Variants in ADSS1 observed in about 807,000 individuals in gnomAD.
ADSS1 encodes the protein adenylosuccinate synthetase isozyme 1.
A neutral mutation model predicts 59.1 loss-of-function variants in ADSS1; 57 were observed. The ratio of observed to expected loss-of-function variants is 0.97; its 90% CI spans 0.78 to 1.20. The LOEUF is 1.20. Ranked by LOEUF, ADSS1 falls within the 50% of genes most tolerant of loss-of-function variation. ADSS1 has a pLI of 0.00. For missense variants in ADSS1, 603 were observed against 610.3 expected, an observed-to-expected ratio of 0.99 and a Z score of 0.13; for synonymous variants, 247 against 249.4, an observed-to-expected ratio of 0.99 and a Z score of 0.09.
At chr14:104,730,239 A>T in intron 1 of ADSS1, 1 of 1,459,604 alleles carries the variant, frequency 6.9e-7, no homozygotes, top group Non-Finnish European at 9.1e-7. Flanking sequence ...TACATCTGTA[A>T]CTCCAGCACT....
rs1891201312 is a variant in ADSS1 at position 104,738,301 on chromosome 14, T to C, written c.296-75T>C. On this transcript the variant is annotated intron_variant, in intron 2 of 12. Transcript: ENST00000330877. ...GCATGAGCCACCGCACCCACCCATT[T>C]CATGCTGTTCTTAATGTATGTTTTC... The C allele has an allele frequency of 6.5e-6, 10 of 1,530,284 alleles. No homozygotes were observed. The South Asian group carries it at 1.1e-4, about 17-fold the overall frequency. 94.8% of individuals were successfully genotyped at this position (1,530,284 alleles called of 1,614,324 possible). A position where few individuals can be genotyped will look rare whatever the true frequency, so the allele number is the denominator to read the frequency against.
At chr14:104,728,293 C>T (rs924224792) in intron 1 of ADSS1, among the ~76,000 whole-genome samples, 4 of 152,112 alleles carry the variant, frequency 2.6e-5, no homozygotes, top group African/African-American at 9.7e-5. Flanking sequence ...TCCCCCTACC[C>T]CACCTCTGCA....
At chr14:104,746,901 G>A (rs776580776) in intron 12 of ADSS1, 50 bp from the exon 13 acceptor site, 19 of 1,598,486 alleles carry the variant, frequency 1.2e-5, no homozygotes, top group Non-Finnish European at 1.5e-5. Flanking sequence ...AACTTTTTCT[G>A]AACTTTCTGC....
chr14:104,741,033 T>C (rs1891328244), intron 7 of ADSS1, 84 bp from the exon 8 acceptor site: 3 of 1,594,770 alleles, frequency 1.9e-6, no homozygotes, highest in African/African-American at 1.3e-5. Flanking sequence ...TAGGCATTGT[T>C]ATGGGCTGGC....
At chr14:104,735,345 G>A (rs1263400450) in intron 2 of ADSS1, among the ~76,000 whole-genome samples, 2 of 152,206 alleles carry the variant, frequency 1.3e-5, no homozygotes, top group Non-Finnish European at 2.9e-5. Flanking sequence ...GCTGATGGGA[G>A]GAGGGGCAGA....
At chr14:104,734,219 A>C (rs1299391541) in intron 1 of ADSS1, among the ~76,000 whole-genome samples, 1 of 152,146 alleles carries the variant, frequency 6.6e-6, no homozygotes, top group African/African-American at 2.4e-5. Context: ...CCACCAGCCC[A>C]CCTGCCCTGC....
chr14:104,738,223 C>T (rs1234116606), intron 2 of ADSS1, 153 bp from the exon 3 acceptor site: 12 of 642,442 alleles, frequency 1.9e-5, no homozygotes, highest in African/African-American at 1.8e-4. Context: ...GTTTCGAACT[C>T]CTGACCTCAA....
rs750224112 is a variant in ADSS1 at position 104,741,861 on chromosome 14, T to C, written c.807T>C (p.Phe269=). 2 of 1,613,180 alleles carry C rather than the reference T, an allele frequency of 1.2e-6. No individual in the cohort carries two copies. The highest frequency in any genetic ancestry group is 1.7e-6 in the Non-Finnish European group (2 of 1,179,958). The change falls in exon 9 of 13, where the codon TTT becomes TTC. Residue 269 remains phenylalanine, a synonymous_variant. Coordinates refer to ENST00000330877, the MANE Select transcript of ADSS1 (RefSeq NM_152328.5). The part of the protein sequence containing the change: ...LLDIDFGTYP[F]VTSSNCTVGG... ...TCTGTCTTGCAGGGACCTACCCCTTTGTGACTTCATCCAACTGCACCGTGG... is the reference window on the plus strand; with the variant it reads ...TCTGTCTTGCAGGGACCTACCCCTTCGTGACTTCATCCAACTGCACCGTGG...
chr14:104,733,215 G>A (rs1051529538), intron 1 of ADSS1, among the ~76,000 whole-genome samples: 8 of 152,064 alleles, frequency 5.3e-5, no homozygotes, highest in African/African-American at 1.2e-4. Context: ...AGTTCACCCA[G>A]CACCGCCCCG....
intron 2 of ADSS1, among the ~76,000 whole-genome samples, chr14:104,735,953 T>A (rs1012762096): frequency 1.3e-5 from 2 of 152,142 alleles, no homozygotes; most frequent in African/African-American, 4.8e-5. Context: ...AGGCCATCCT[T>A]GTGATGTATC....
intron 1 of ADSS1, among the ~76,000 whole-genome samples, chr14:104,732,605 G>A (rs935271415): frequency 6.6e-6 from 1 of 152,234 alleles, no homozygotes; most frequent in Admixed American, 6.5e-5. Context: ...CCCCAACAGA[G>A]CCAGGGTGTG....
Position 104,740,284 on chromosome 14 carries a change from ACGCCCACGCATGCTCG to A in ADSS1, c.477-315_477-300del, listed in dbSNP as rs1891294381. 6.6e-6 allele frequency among the ~76,000 whole-genome samples: 1 copy of A among 151,822 alleles called. No homozygotes were observed. The highest frequency in any genetic ancestry group is 2.4e-5 in the African/African-American group (1 of 41,292). ...ACTCATGCTCTTACATACACACCACACGCCCACGCATGCTCGCACAGTTATGCACATGTGCACACGC... is the reference window on the plus strand; with the variant it reads ...ACTCATGCTCTTACATACACACCACACACAGTTATGCACATGTGCACACGC... On this transcript the variant is annotated intron_variant, in intron 5 of 12. Transcript: ENST00000330877. The surrounding 1 kb of genome is among the most constrained non-coding windows in gnomAD (Gnocchi z 4.8).
Position 104,740,854 on chromosome 14 carries a change from C to T in ADSS1, c.600C>T (p.Ala200=), listed in dbSNP as rs765714431. The T allele has an allele frequency of 1.2e-6, 2 of 1,613,864 alleles. No homozygotes were observed. Among genetic ancestry groups the T allele is most frequent in the South Asian group, 2.2e-5 (2 of 91,066 alleles). The change falls in exon 7 of 13, where the codon GCC becomes GCT. Residue 200 remains alanine (A), a synonymous_variant. Coordinates refer to ENST00000330877, the MANE Select transcript of ADSS1 (RefSeq NM_152328.5). The surrounding 1 kb of genome is among the most constrained non-coding windows in gnomAD (Gnocchi z 4.8). ...DEFSSRFKNL[A]HQHQSMFPTL... is the part of the protein sequence containing the mutation. ...CCTTGTGCAGATTCAAGAACCTGGCCCACCAGCACCAGTCGATGTTCCCCA... is the reference window on the plus strand; with the variant it reads ...CCTTGTGCAGATTCAAGAACCTGGCTCACCAGCACCAGTCGATGTTCCCCA...
intron 2 of ADSS1, chr14:104,737,340 C>T (rs1303401327): frequency 6.6e-6 from 1 of 152,196 alleles, no homozygotes; most frequent in Non-Finnish European, 1.5e-5. Context: ...TACAGTATGT[C>T]GCCTTTTCGG....
intron 1 of ADSS1, among the ~76,000 whole-genome samples, chr14:104,724,735 T>C (rs1411493767): frequency 2.6e-5 from 4 of 151,732 alleles, no homozygotes; most frequent in African/African-American, 9.7e-5. Context: ...AGTCGCTGAG[T>C]TGGGGACACC....
intron 1 of ADSS1, among the ~76,000 whole-genome samples, chr14:104,732,779 C>T (rs1566796032): frequency 6.6e-6 from 1 of 152,188 alleles, no homozygotes; most frequent in South Asian, 2.1e-4. Context: ...CCCTACCTGT[C>T]CTCAGAGACC....
rs139486632 is a variant in ADSS1 at position 104,743,046 on chromosome 14, G to A, written c.949-21G>A. ...AGGCTCCCACGACAGCTCACATGACGTCCTCCCTGTTCTCATGTAGGAGAT... is the reference window on the plus strand; with the variant it reads ...AGGCTCCCACGACAGCTCACATGACATCCTCCCTGTTCTCATGTAGGAGAT... On this transcript the variant is annotated intron_variant, in intron 9 of 12. Coordinates refer to ENST00000330877, the MANE Select transcript of ADSS1 (RefSeq NM_152328.5). The A allele has an allele frequency of 4.7e-4, 757 of 1,612,206 alleles. 7 individuals are homozygous for A. The African/African-American group carries it at 6.3e-3, about 14-fold the overall frequency.
chr14:104,739,450 A>C, intron 4 of ADSS1, 72 bp downstream of exon 4: 41 of 1,482,978 alleles, frequency 2.8e-5, no homozygotes, highest in Non-Finnish European at 3.6e-5. Context: ...CTGCTCCTAC[A>C]TGGCCACCGA....
chr14:104,744,514 C>T (rs968584018), intron 10 of ADSS1: 2 of 295,002 alleles, frequency 6.8e-6, no homozygotes, highest in Non-Finnish European at 1.3e-5. Context: ...TTCAGGCATT[C>T]GATTCTCACA....
Sources: gnomAD v4.1 joint callset for allele counts (sites outside exome capture counted in the v4.1 genomes callset) on GRCh38, gnomAD v4.1.1 for gene constraint, Gnocchi (gnomAD v3.1) non-coding constraint, MANE v1.5 for transcripts, NCBI Gene and HGNC (gene_info 2026-07-23, HGNC 2026-07-21) for gene names.